The following PPP2R5C variants were observed in gnomAD, a reference collection of about 807,000 sequenced individuals.
The protein encoded by PPP2R5C is protein phosphatase 2 regulatory subunit B'gamma.
Under a neutral mutation model 68.9 loss-of-function variants are expected in PPP2R5C, and 7 were observed. The observed-to-expected ratio is 0.10, with a 90% CI of 0.06 to 0.19. PPP2R5C has a LOEUF of 0.19. Ranked by LOEUF, PPP2R5C falls within the 10% of genes least tolerant of loss-of-function variation. PPP2R5C has a pLI of 1.00. For missense variants in PPP2R5C, 348 were observed against 641.3 expected, an observed-to-expected ratio of 0.54 and a Z score of 4.94; for synonymous variants, 210 against 222.2, an observed-to-expected ratio of 0.95 and a Z score of 0.49.
At chr14:101,831,584 ACTC>A in intron 1 of PPP2R5C, 1 of 518,406 alleles carries the variant, frequency 1.9e-6, no homozygotes, top group Non-Finnish European at 3.5e-6. Flanking sequence ...ATGGGACACA[ACTC>A]CTTATCATAG....
At chr14:101,893,473 T>C (rs1410540468) in intron 7 of PPP2R5C, among the ~76,000 whole-genome samples, 1 of 152,230 alleles carries the variant, frequency 6.6e-6, no homozygotes, top group East Asian at 1.9e-4. Flanking sequence ...GAAAACGTTT[T>C]TTAAAAAAAT....
At chr14:101,763,452 G>A (rs2036668225) in intron 2 of PPP2R5C, among the ~76,000 whole-genome samples, 1 of 151,626 alleles carries the variant, frequency 6.6e-6, no homozygotes. Context: ...GCGCGATCTT[G>A]GCTCACTGCA....
intron 8 of PPP2R5C, among the ~76,000 whole-genome samples, chr14:101,898,394 CCTT>C (rs1477524146): frequency 2.0e-5 from 3 of 152,184 alleles, no homozygotes; most frequent in Non-Finnish European, 2.9e-5. Flanking sequence ...CTGACCCTAA[CCTT>C]CTCCACCGAG....
intron 5 of PPP2R5C, among the ~76,000 whole-genome samples, chr14:101,886,939 T>G (rs1336834024): frequency 6.6e-6 from 1 of 152,176 alleles, no homozygotes; most frequent in Non-Finnish European, 1.5e-5. Context: ...CTCACTGTGT[T>G]GCCCAGGCTG....
intron 2 of PPP2R5C, among the ~76,000 whole-genome samples, chr14:101,873,466 A>G (rs890737385): frequency 6.6e-6 from 1 of 152,236 alleles, no homozygotes; most frequent in African/African-American, 2.4e-5. Flanking sequence ...TATTAAAACC[A>G]GAGCTAATTA....
chr14:101,868,024 G>C (rs1012572824), intron 2 of PPP2R5C, among the ~76,000 whole-genome samples: 1 of 152,154 alleles, frequency 6.6e-6, no homozygotes, highest in Admixed American at 6.5e-5. Flanking sequence ...TGGGTGTCCT[G>C]TGCTTCACTT....
rs888723742 is a variant in PPP2R5C at position 101,777,314 on chromosome 14, G to A, written c.94-8704G>A. 5.7e-4 allele frequency among the ~76,000 whole-genome samples: 86 copies of A among 152,156 alleles called. 1 individual carries two copies. The highest frequency in any genetic ancestry group is 2.9e-5 in the Non-Finnish European group (2 of 67,998). ...TTGTTTTCAGTTCTTTTGGGTATAT[G>A]CCTAGGAGTGAGATTGCTGGGTCAT... On this transcript the variant is annotated intron_variant, in intron 2 of 14. Coordinates refer to the PPP2R5C transcript ENST00000328724.
chr14:101,793,396 C>G (rs2038453345), intron 3 of PPP2R5C, among the ~76,000 whole-genome samples: 1 of 152,176 alleles, frequency 6.6e-6, no homozygotes, highest in African/African-American at 2.4e-5. Context: ...GGATATTTCC[C>G]TGACCACTTC....
chr14:101,776,350 T>C lies in PPP2R5C; in HGVS notation c.94-9668T>C, dbSNP rs147126095. Among the ~76,000 whole-genome samples, 407 of 152,288 alleles carry C rather than the reference T, an allele frequency of 2.7e-3. 3 individuals are homozygous for C. The highest frequency in any genetic ancestry group is 0.01 in the Middle Eastern group (3 of 294). On this transcript the variant is annotated intron_variant, in intron 2 of 14. Coordinates refer to the PPP2R5C transcript ENST00000328724. ...GGGGAAGAATCAAGTCCTTTTTTTT[T>C]AGATGTTGCCCAAACCAGATCGCTA...
At chr14:101,815,424 C>T (rs551395683) in intron 1 of PPP2R5C, among the ~76,000 whole-genome samples, 38 of 152,160 alleles carry the variant, frequency 2.5e-4, no homozygotes, top group Non-Finnish European at 4.1e-4. Flanking sequence ...GGTTTACATG[C>T]GTATGTTCTT....
At chr14:101,914,053 T>C (rs1257573553) in intron 12 of PPP2R5C, 14 of 417,834 alleles carry the variant, frequency 3.4e-5, no homozygotes, top group African/African-American at 1.6e-4. Context: ...ACGTAACCAA[T>C]GTTTCTTCTG....
rs1034586051 is a variant in PPP2R5C at position 101,909,481 on chromosome 14, A to T, written c.1152-108A>T. 11 of 650,958 alleles carry T rather than the reference A, an allele frequency of 1.7e-5. No individual in the cohort carries two copies. In the African/African-American group the frequency reaches 2.0e-4, roughly 12 times the overall value. The allele number at this position is 650,958 out of a possible 1,614,324, so 40.3% of individuals were successfully genotyped here. A position where few individuals can be genotyped will look rare whatever the true frequency, so the allele number is the denominator to read the frequency against. ...AGGCCTTGCATTTTAGACCTTAGGG[A>T]TCCTGTGCGATGTGGGACTGTTGGA... On this transcript the variant is annotated intron_variant, in intron 10 of 13. Coordinates refer to ENST00000334743, the Ensembl canonical transcript of PPP2R5C.
intron 1 of PPP2R5C, among the ~76,000 whole-genome samples, chr14:101,828,868 G>A (rs904082447): frequency 1.3e-5 from 2 of 151,840 alleles, no homozygotes; most frequent in East Asian, 1.9e-4. Flanking sequence ...TAATAGAGAC[G>A]GGGTTTCATT....
intron 3 of PPP2R5C, among the ~76,000 whole-genome samples, chr14:101,789,356 G>C (rs534856981): frequency 1.3e-5 from 2 of 152,228 alleles, no homozygotes; most frequent in Non-Finnish European, 2.9e-5. Context: ...CAAGGCCGCT[G>C]GTGCTCCGGA....
chr14:101,806,905 T>C (rs1282188986), upstream of PPP2R5C, among the ~76,000 whole-genome samples: 1 of 152,188 alleles, frequency 6.6e-6, no homozygotes, highest in Non-Finnish European at 1.5e-5. Flanking sequence ...GAGGCTGCAG[T>C]GAGCAGAGAT....
At chr14:101,883,850 A>G (rs545422579) in intron 5 of PPP2R5C, among the ~76,000 whole-genome samples, 1 of 152,306 alleles carries the variant, frequency 6.6e-6, no homozygotes, top group South Asian at 2.1e-4. Context: ...CTGAAAGGTC[A>G]AGTTTCCTGG....
intron 1 of PPP2R5C, among the ~76,000 whole-genome samples, chr14:101,828,019 C>G (rs2040502843): frequency 6.6e-6 from 1 of 152,018 alleles, no homozygotes; most frequent in South Asian, 2.1e-4. Context: ...CCTCAGGATT[C>G]TTTATGAAAT....
At chr14:101,922,173 G>A in intron 13 of PPP2R5C, 2 of 985,332 alleles carry the variant, frequency 2.0e-6, no homozygotes, top group Non-Finnish European at 2.4e-6. Flanking sequence ...AGATTGTGAT[G>A]GTCAAAACAA....
At chr14:101,852,469 CTTTTTT>C (rs559509845) in intron 1 of PPP2R5C, among the ~76,000 whole-genome samples, 1 of 115,106 alleles carries the variant, frequency 8.7e-6, no homozygotes, top group Non-Finnish European at 1.8e-5. Flanking sequence ...TTTTCTTTTT[CTTTTTT>C]TTTTTTTTTT....
Sources: gnomAD v4.1 joint callset for allele counts (sites outside exome capture counted in the v4.1 genomes callset) on GRCh38, gnomAD v4.1.1 for gene constraint, MANE v1.5 for transcripts, NCBI Gene and HGNC (gene_info 2026-07-23, HGNC 2026-07-21) for gene names.